TMEM117: variants seen among roughly 807,000 people sequenced by gnomAD.
The protein encoded by TMEM117 is transmembrane protein 117.
A neutral mutation model predicts 52.4 loss-of-function variants in TMEM117; 27 were observed. The ratio of observed to expected loss-of-function variants is 0.51; its 90% confidence interval spans 0.38 to 0.71. TMEM117 has a LOEUF of 0.71. Among genes scored for constraint, TMEM117 ranks in the 30% least tolerant of loss-of-function variants. The pLI is 0.00. For missense variants in TMEM117, 556 were observed against 630.5 expected, an observed-to-expected ratio of 0.88 and a Z score of 1.26; for synonymous variants, 215 against 206.3, an observed-to-expected ratio of 1.04 and a Z score of -0.36.
chr12:44,253,174 A>C (rs1942549817), intron 5 of TMEM117, among the ~76,000 whole-genome samples: 1 of 152,220 alleles, frequency 6.6e-6, no homozygotes. Flanking sequence ...TAACTAATTA[A>C]ACATTAATGA....
rs1425530277 is a variant in TMEM117 at position 43,911,706 on chromosome 12, C to A, written c.278-32504C>A. Among the ~76,000 whole-genome samples, 4 of 142,876 alleles carry A rather than the reference C, an allele frequency of 2.8e-5. No homozygotes were observed. The Admixed American group carries it at 2.8e-4, about 10-fold the overall frequency. 93.7% of individuals were successfully genotyped at this position (142,876 alleles called of 152,430 possible). ...GCAAAGGACATGAACAGACACTTCT[C>A]AAAAGAAGACATTTATGCAGCCAAA... On this transcript the variant is annotated intron_variant, in intron 2 of 7. Coordinates refer to ENST00000266534, the MANE Select transcript of TMEM117 (RefSeq NM_032256.3).
chr12:44,166,271 T>C (rs1472807851), intron 4 of TMEM117, among the ~76,000 whole-genome samples: 1 of 152,180 alleles, frequency 6.6e-6, no homozygotes. Flanking sequence ...CAAAAAAGTA[T>C]AAAGATTTCA....
At chr12:44,008,158 G>A (rs1946231496) in intron 3 of TMEM117, among the ~76,000 whole-genome samples, 1 of 152,132 alleles carries the variant, frequency 6.6e-6, no homozygotes, top group Admixed American at 6.5e-5. Flanking sequence ...GACCAAGACT[G>A]CCTCCCAGAT....
intron 2 of TMEM117, among the ~76,000 whole-genome samples, chr12:43,854,100 A>G (rs745348186): frequency 6.6e-6 from 1 of 152,196 alleles, no homozygotes; most frequent in Non-Finnish European, 1.5e-5. Context: ...TTCTATCTTT[A>G]GACTTTATCT....
intron 6 of TMEM117, among the ~76,000 whole-genome samples, chr12:44,338,364 A>C (rs544000920): frequency 1.3e-5 from 2 of 152,220 alleles, no homozygotes; most frequent in Non-Finnish European, 2.9e-5. Context: ...GTTTTAAATA[A>C]ATTATATAAA....
At chr12:44,260,958 ATATAGCATGTTTCTTG>A (rs1950313831) in intron 5 of TMEM117, among the ~76,000 whole-genome samples, 1 of 152,230 alleles carries the variant, frequency 6.6e-6, no homozygotes, top group South Asian at 2.1e-4. Flanking sequence ...ATTGAACTTT[ATATAGCATGTTTCTTG>A]TATAATAATC....
chr12:43,806,209 G>T, the TMEM117 span: 12 of 1,540,184 alleles, frequency 7.8e-6, no homozygotes, highest in Non-Finnish European at 1.0e-5. Context: ...GAGTCGCGCC[G>T]GGCGCTGTTA....
intron 2 of TMEM117, among the ~76,000 whole-genome samples, chr12:43,873,645 T>C (rs143882793): frequency 3.9e-5 from 6 of 152,236 alleles, no homozygotes; most frequent in African/African-American, 1.4e-4. Flanking sequence ...TAATCTTAAA[T>C]TTTGTCTTTC....
chr12:44,341,792 A>C (rs989364283), intron 6 of TMEM117, among the ~76,000 whole-genome samples: 2 of 152,190 alleles, frequency 1.3e-5, no homozygotes, highest in Non-Finnish European at 1.5e-5. Flanking sequence ...GTTCATGGAT[A>C]TTGAATCTAG....
chr12:44,118,396 G>A (rs1592532460), intron 3 of TMEM117, among the ~76,000 whole-genome samples: 1 of 152,160 alleles, frequency 6.6e-6, no homozygotes, highest in African/African-American at 2.4e-5. Flanking sequence ...GCAGGGGAAG[G>A]ATGGAAAGAA....
At chr12:43,959,438 A>T (rs1002044902) in intron 3 of TMEM117, among the ~76,000 whole-genome samples, 5 of 152,206 alleles carry the variant, frequency 3.3e-5, no homozygotes, top group African/African-American at 1.2e-4. Context: ...ATCAGGGTGA[A>T]CTTTTACTTT....
chr12:44,335,252 TATG>T (rs1951325979), intron 6 of TMEM117, among the ~76,000 whole-genome samples: 1 of 151,820 alleles, frequency 6.6e-6, no homozygotes, highest in Non-Finnish European at 1.5e-5. Context: ...GGGTCAGAAA[TATG>T]GAGACATTAG....
chr12:44,246,912 G>C (rs187551449), intron 5 of TMEM117, among the ~76,000 whole-genome samples: 10 of 152,286 alleles, frequency 6.6e-5, no homozygotes, highest in Admixed American at 5.9e-4. Context: ...GCTGGGCCCT[G>C]CATCTGTTGC....
intron 2 of TMEM117, among the ~76,000 whole-genome samples, chr12:43,923,350 A>T (rs11182331): frequency 1.3e-5 from 2 of 152,212 alleles, no homozygotes; most frequent in Non-Finnish European, 2.9e-5. Context: ...TGCATTTAAT[A>T]GCTACCTAAA....
chr12:44,050,248 C>T (rs1946948780), intron 3 of TMEM117, among the ~76,000 whole-genome samples: 1 of 152,234 alleles, frequency 6.6e-6, no homozygotes, highest in Non-Finnish European at 1.5e-5. Context: ...ACAATCTTGG[C>T]TCACTGCAAC....
At chr12:44,190,930 A>G (rs142138777) in intron 4 of TMEM117, among the ~76,000 whole-genome samples, 228 of 147,714 alleles carry the variant, frequency 1.5e-3, no homozygotes, top group Middle Eastern at 3.6e-3. Flanking sequence ...AGTAATATAT[A>G]TACTATATAT....
At chr12:43,857,092 G>A (rs11182304) in intron 2 of TMEM117, among the ~76,000 whole-genome samples, 5,702 of 152,184 alleles carry the variant, frequency 0.037, 270 homozygotes, top group African/African-American at 0.1. Flanking sequence ...TGCTTATTAG[G>A]TGCCTTCATT....
chr12:44,125,310 T>C (rs1057047764), intron 3 of TMEM117, among the ~76,000 whole-genome samples: 1 of 152,070 alleles, frequency 6.6e-6, no homozygotes, highest in African/African-American at 2.4e-5. Context: ...GGTTTCACCG[T>C]GTTAGCCAGG....
chr12:44,117,448 G>A (rs1022677007), intron 3 of TMEM117, among the ~76,000 whole-genome samples: 1 of 151,688 alleles, frequency 6.6e-6, no homozygotes, highest in Admixed American at 6.6e-5. Flanking sequence ...TGTGTTGATC[G>A]AATCAGTTGC....
Sources: allele counts gnomAD v4.1 joint callset (sites outside exome capture counted in the v4.1 genomes callset), GRCh38; gene constraint gnomAD v4.1.1; transcripts MANE v1.5; gene names NCBI Gene and HGNC (gene_info 2026-07-23, HGNC 2026-07-21).